TRIM36: variants seen among roughly 807,000 people sequenced by gnomAD.
The protein encoded by TRIM36 is E3 ubiquitin-protein ligase TRIM36.
Under a neutral mutation model 72.4 loss-of-function variants are expected in TRIM36, and 42 were observed. The ratio of observed to expected loss-of-function variants is 0.58; its 90% confidence interval spans 0.45 to 0.75. TRIM36 has a LOEUF of 0.75. Ranked by LOEUF, TRIM36 falls within the 30% of genes least tolerant of loss-of-function variation. The pLI is 0.00. For synonymous variants in TRIM36, 315 were observed against 282.8 expected (o/e 1.11, Z -1.14); for missense variants, 913 against 857.1 (o/e 1.07, Z -0.81).
At chr5:115,178,515 G>A (rs1195004960) in intron 1 of TRIM36, among the ~76,000 whole-genome samples, 2 of 152,094 alleles carry the variant, frequency 1.3e-5, no homozygotes, top group Non-Finnish European at 2.9e-5. Flanking sequence ...TCTTCCCAGG[G>A]TCCATTCTTC....
intron 3 of TRIM36, among the ~76,000 whole-genome samples, chr5:115,145,583 G>C (rs188713891): frequency 1.6e-3 from 237 of 152,234 alleles, no homozygotes; most frequent in African/African-American, 5.5e-3. Flanking sequence ...CTAGAGTGCA[G>C]TGGTGCAATC....
chr5:115,133,946 G>A lies in TRIM36; in HGVS notation c.1412C>T (p.Thr471Ile). The part of the protein sequence containing the change: ...KIIQDLENSS[T>I]YAFRVRAYKG... ...GTAAGCTCTTACTCTGAAAGCATAG[G>A]TACTACTGTTTTCCAAGTCTTGAAT... The change falls in exon 8 of 10, where the codon ACC (threonine) becomes ATC (isoleucine). Residue 471 changes from threonine to isoleucine, a missense_variant. By Grantham distance (89) the Thr-to-Ile change is moderately conservative. Coordinates refer to ENST00000513154, the MANE Select transcript of TRIM36 (RefSeq NM_001300759.2). 1 of 1,613,692 alleles carries A rather than the reference G, an allele frequency of 6.2e-7. No individual in the cohort carries two copies. Among genetic ancestry groups the A allele is most frequent in the South Asian group, 1.1e-5 (1 of 91,014 alleles).
intron 1 of TRIM36, chr5:115,177,212 T>C (rs1755375247): frequency 6.5e-6 from 1 of 153,302 alleles, no homozygotes; most frequent in African/African-American, 2.4e-5. Flanking sequence ...TCTGTGAAGT[T>C]TGAATACTTT....
At chr5:115,170,039 G>T (rs111318384), upstream of TRIM36, 18 of 961,836 alleles carry the variant, frequency 1.9e-5, no homozygotes. Flanking sequence ...CTGGTAGGCC[G>T]GGTGTCTGAG....
At position 115,126,850 on chromosome 5, in the gene TRIM36, G is replaced by C; in HGVS notation, c.1804C>G (p.Gln602Glu). ...PRDAVSPRYE[Q>E]DSGHDSGSED... is the part of the protein sequence containing the mutation. ...CTTCCACTGTCATGCCCACTGTCTT[G>C]CTCATATCTGAAACATAATACAAAG... The change falls in exon 10 of 10, where the codon CAA becomes GAA. Residue 602 changes from glutamine (Q) to glutamate (E), a missense_variant. Coordinates refer to ENST00000513154, the MANE Select transcript of TRIM36 (RefSeq NM_001300759.2). 2 of 1,607,354 alleles carry C rather than the reference G, an allele frequency of 1.2e-6. No individual in the cohort carries two copies. Among genetic ancestry groups the C allele is most frequent in the Non-Finnish European group, 1.7e-6 (2 of 1,176,914 alleles).
At chr5:115,177,452 T>TCCCATTATTCTTTACATTACAAA in intron 1 of TRIM36, 1 of 1,035,762 alleles carries the variant, frequency 9.7e-7, no homozygotes, top group Non-Finnish European at 1.2e-6. Context: ...TAGACCAGTT[T>TCCCATTATTCTTTACATTACAAA]CCCATTATTC....
intron 1 of TRIM36, among the ~76,000 whole-genome samples, chr5:115,166,155 C>A (rs1754765114): frequency 6.6e-6 from 1 of 152,202 alleles, no homozygotes; most frequent in African/African-American, 2.4e-5. Flanking sequence ...GAAACCCCAC[C>A]TTCAAGCCAG....
chr5:115,167,654 T>C (rs1754860286), intron 1 of TRIM36, among the ~76,000 whole-genome samples: 1 of 152,220 alleles, frequency 6.6e-6, no homozygotes, highest in Non-Finnish European at 1.5e-5. Flanking sequence ...AGAATTTTGG[T>C]CAAAACCATT....
intron 8 of TRIM36, among the ~76,000 whole-genome samples, chr5:115,131,146 A>G (rs866896676): frequency 6.6e-6 from 1 of 152,158 alleles, no homozygotes; most frequent in African/African-American, 2.4e-5. Context: ...ATTTATAAAA[A>G]CAGCTCTTTG....
chr5:115,130,483 C>A, intron 9 of TRIM36, 109 bp downstream of exon 9: 2 of 1,288,774 alleles, frequency 1.6e-6, no homozygotes, highest in Non-Finnish European at 2.1e-6. Context: ...AGCCAAAATA[C>A]TAGAATCTAA....
At chr5:115,130,312 G>GT (rs1473942036) in intron 9 of TRIM36, among the ~76,000 whole-genome samples, 1 of 152,116 alleles carries the variant, frequency 6.6e-6, no homozygotes, top group South Asian at 2.1e-4. Context: ...TATGACATAG[G>GT]TAACATGTTA....
At chr5:115,159,415 T>C (rs1372329313) in intron 2 of TRIM36, among the ~76,000 whole-genome samples, 1 of 152,230 alleles carries the variant, frequency 6.6e-6, no homozygotes, top group African/African-American at 2.4e-5. Flanking sequence ...GTCATGTATA[T>C]TGACAAAATG....
At chr5:115,131,185 A>G (rs1212666658) in intron 8 of TRIM36, among the ~76,000 whole-genome samples, 1 of 152,208 alleles carries the variant, frequency 6.6e-6, no homozygotes, top group African/African-American at 2.4e-5. Context: ...TATCACAGGT[A>G]TTTCACACTA....
At chr5:115,174,427 G>A (rs1333386434), upstream of TRIM36, 1 of 152,212 alleles carries the variant, frequency 6.6e-6, no homozygotes, top group Non-Finnish European at 1.5e-5. Context: ...GGGTTTTCCA[G>A]TAGATTGGCA....
At chr5:115,161,578 ACATGGAAAC>A (rs1754484555) in intron 2 of TRIM36, among the ~76,000 whole-genome samples, 1 of 152,228 alleles carries the variant, frequency 6.6e-6, no homozygotes, top group African/African-American at 2.4e-5. Flanking sequence ...AACAGATTTC[ACATGGAAAC>A]CACTATCAAG....
rs893397625 is a variant in TRIM36 at position 115,139,367 on chromosome 5, C to T, written c.832-1751G>A. ...CGAACTCCTGACCTTGTGATCCGCCCGCCTCGGCCTCCCAAAGTGCTGAGA... is the reference window on the plus strand; with the variant it reads ...CGAACTCCTGACCTTGTGATCCGCCTGCCTCGGCCTCCCAAAGTGCTGAGA... On this transcript the variant is annotated intron_variant, in intron 5 of 9. Coordinates refer to ENST00000513154, the MANE Select transcript of TRIM36 (RefSeq NM_001300759.2). Among the ~76,000 whole-genome samples, 8 of 150,372 alleles carry T rather than the reference C, an allele frequency of 5.3e-5. No individual in the cohort carries two copies. In the South Asian group the frequency reaches 8.5e-4, roughly 16 times the overall value.
rs1753479958 is a variant in TRIM36, at chr5:115,144,645, C to A, written c.688G>T (p.Ala230Ser). 1 of 1,614,148 alleles carries A rather than the reference C, an allele frequency of 6.2e-7. No individual in the cohort carries two copies. The highest frequency in any genetic ancestry group is 8.5e-7 in the Non-Finnish European group (1 of 1,180,018). ...CTCATAGTGGTTACACGGTGGTTGG[C>A]ATGATTACCACCCAACTTACACAGA... ...CHLCKLGGNHANHRVTTMSSA... is the reference protein window; with the variant it reads ...CHLCKLGGNHSNHRVTTMSSA... Residue 230 changes from alanine to serine, a missense_variant, in exon 4 of 10, where the codon GCC (alanine) becomes TCC (serine). By Grantham distance (99) the Ala-to-Ser change is moderately conservative. Transcript: ENST00000513154.
At chr5:115,145,388 A>G (rs867951598) in intron 3 of TRIM36, among the ~76,000 whole-genome samples, 1 of 152,212 alleles carries the variant, frequency 6.6e-6, no homozygotes, top group Non-Finnish European at 1.5e-5. Flanking sequence ...TTTATGTAAA[A>G]TAACTGTTTT....
intron 1 of TRIM36, among the ~76,000 whole-genome samples, chr5:115,176,912 G>GT (rs1227165770): frequency 6.6e-6 from 1 of 152,166 alleles, no homozygotes; most frequent in Non-Finnish European, 1.5e-5. Context: ...GAGAATGATC[G>GT]TAAGTATTAA....
Sources: gnomAD v4.1 joint callset for allele counts (sites outside exome capture counted in the v4.1 genomes callset) on GRCh38, gnomAD v4.1.1 for gene constraint, MANE v1.5 for transcripts, NCBI Gene and HGNC (gene_info 2026-07-23, HGNC 2026-07-21) for gene names.